The following TIMELESS variants were observed in gnomAD, a reference collection of about 807,000 sequenced individuals.
The protein encoded by TIMELESS is timeless circadian regulator.
In TIMELESS, 124 loss-of-function variants were observed where a neutral mutation model predicts 164.3. That is an observed-to-expected ratio of 0.75 (90% confidence interval 0.65 to 0.88). The LOEUF (loss-of-function observed/expected upper bound fraction) is 0.88, where lower values mean the gene tolerates loss of function less well. TIMELESS is among the 40% of genes least tolerant of loss of function. The probability of loss-of-function intolerance (pLI) is 0.00; values close to 1 mark genes in which losing one functional copy is unlikely to be tolerated. For synonymous variants in TIMELESS, 564 were observed against 563.4 expected, an observed-to-expected ratio of 1.00 and a Z score of -0.02; for missense variants, 1,422 against 1,491.4, an observed-to-expected ratio of 0.95 and a Z score of 0.77.
Position 56,421,811 on chromosome 12 carries a change from T to G in TIMELESS, c.2643-2A>C. Reference sequence around the variant, plus strand: ...CACAGTACAATATGGGTTCCTTTCCTGATTAGGAAGGTGTCAGTGGAAGAG... The same window carrying G: ...CACAGTACAATATGGGTTCCTTTCCGGATTAGGAAGGTGTCAGTGGAAGAG... On this transcript the variant is annotated splice_acceptor_variant, in intron 21 of 28. Coordinates refer to ENST00000553532, the MANE Select transcript of TIMELESS (RefSeq NM_003920.5). LOFTEE classifies it high-confidence loss of function. 1 of 1,614,144 alleles carries G rather than the reference T, an allele frequency of 6.2e-7. No homozygotes were observed. The highest frequency in any genetic ancestry group is 1.1e-5 in the South Asian group (1 of 91,084).
intron 1 of TIMELESS, among the ~76,000 whole-genome samples, chr12:56,449,061 C>A (rs1184159376): frequency 6.6e-6 from 1 of 152,256 alleles, no homozygotes; most frequent in East Asian, 1.9e-4. Flanking sequence ...ACAACCCCAT[C>A]CCGCGGGAGA....
At chr12:56,431,268 C>A (rs193205643) in intron 8 of TIMELESS, among the ~76,000 whole-genome samples, 1 of 150,926 alleles carries the variant, frequency 6.6e-6, no homozygotes, top group African/African-American at 2.4e-5. Context: ...GCAGGAGAAT[C>A]GCTTGAACCC....
At chr12:56,428,715 C>T in intron 11 of TIMELESS, 63 bp from the exon 12 acceptor site, 1 of 1,498,548 alleles carries the variant, frequency 6.7e-7, no homozygotes, top group Non-Finnish European at 9.2e-7. Context: ...ATGGAAACAG[C>T]AACTTCCCAC....
chr12:56,439,521 A>C (rs949420277), intron 1 of TIMELESS, among the ~76,000 whole-genome samples: 2 of 152,026 alleles, frequency 1.3e-5, no homozygotes, highest in Non-Finnish European at 2.9e-5. Context: ...CAGCCTCCCA[A>C]GCAGCTGGGA....
Position 56,429,633 on chromosome 12 carries a change from C to G in TIMELESS, c.1086+472G>C, listed in dbSNP as rs911455474. On this transcript the variant is annotated intron_variant, in intron 10 of 28. Transcript: ENST00000553532. ...TATCCTGCCTCAGGCTCCTGAGTAA[C>G]TGGGACTACAAATGCACACCACCAT... is the stretch of plus-strand genomic sequence containing the variant. 2.5e-4 allele frequency among the ~76,000 whole-genome samples: 37 copies of G among 149,300 alleles called. 1 individual carries two copies. Among genetic ancestry groups the G allele is most frequent in the African/African-American group, 8.9e-4 (36 of 40,486 alleles).
chr12:56,421,362 A>T lies in TIMELESS; in HGVS notation c.2857T>A (p.Ser953Thr). ...GGTCAGATTGTTACCAAGATGGAGG[A>T]TGCCAACTTTTTCTGCCGTTTCTTG... ...LYKKRQKKLASSILPNGAESL... is the reference protein window; with the variant it reads ...LYKKRQKKLATSILPNGAESL... Residue 953 changes from serine (S) to threonine (T), a missense_variant, in exon 23 of 29, where the codon TCC (serine) becomes ACC (threonine). Ser to Thr is a moderately conservative substitution (Grantham distance 58, BLOSUM62 1). Transcript: ENST00000553532. 6.2e-7 allele frequency: 1 copy of T among 1,613,806 alleles called. No individual in the cohort carries two copies. Among genetic ancestry groups the T allele is most frequent in the Non-Finnish European group, 8.5e-7 (1 of 1,179,866 alleles).
Position 56,421,391 on chromosome 12 carries a change from A to G in TIMELESS, c.2828T>C (p.Leu943Pro). 3.1e-6 allele frequency: 5 copies of G among 1,614,022 alleles called. No individual in the cohort carries two copies. Among genetic ancestry groups the G allele is most frequent in the Non-Finnish European group, 8.5e-7 (1 of 1,179,996 alleles). ...ALGLVAERRE[L>P]YKKRQKKLAS... ...CAACTTTTTCTGCCGTTTCTTGTAC[A>G]GCTCCCGCCGCTCAGCCACCAGCCC... Residue 943 changes from leucine to proline, a missense_variant, in exon 23 of 29, where the codon CTG becomes CCG. Leu to Pro is a moderately conservative substitution (Grantham distance 98, BLOSUM62 -3). Transcript: ENST00000553532.
At chr12:56,438,016 G>T (rs527619417) in intron 1 of TIMELESS, among the ~76,000 whole-genome samples, 8 of 152,134 alleles carry the variant, frequency 5.3e-5, no homozygotes, top group African/African-American at 1.9e-4. Flanking sequence ...CTCTCGCTCC[G>T]AGAGTGTTAA....
intron 26 of TIMELESS, among the ~76,000 whole-genome samples, chr12:56,420,048 A>ATGTGTGTGTGTG (rs1363649039): frequency 3.2e-4 from 28 of 87,320 alleles, no homozygotes; most frequent in African/African-American, 1.3e-3. Flanking sequence ...ATATATATAT[A>ATGTGTGTGTGTG]TGTGTGTGTG....
At chr12:56,428,729 G>C (rs1021682675) in intron 11 of TIMELESS, 77 bp from the exon 12 acceptor site, 2 of 1,162,228 alleles carry the variant, frequency 1.7e-6, no homozygotes, top group Non-Finnish European at 1.2e-6. Context: ...TTCCCACAGC[G>C]AAAAAAAAAA....
chr12:56,441,274 A>G (rs1220548181), intron 1 of TIMELESS, among the ~76,000 whole-genome samples: 2 of 152,204 alleles, frequency 1.3e-5, no homozygotes, highest in Non-Finnish European at 2.9e-5. Flanking sequence ...GTCCTTTACC[A>G]AGACAGTTTG....
At chr12:56,422,702 C>T in intron 19 of TIMELESS, 145 bp downstream of exon 19, 1 of 893,016 alleles carries the variant, frequency 1.1e-6, no homozygotes. Flanking sequence ...TAAAGCATTT[C>T]ACCTCCTGAG....
At chr12:56,438,206 C>T (rs1882133203) in intron 1 of TIMELESS, among the ~76,000 whole-genome samples, 1 of 152,120 alleles carries the variant, frequency 6.6e-6, no homozygotes, top group African/African-American at 2.4e-5. Context: ...CCACAACACC[C>T]AGCTAATTTT....
chr12:56,440,025 T>A (rs1868252580), intron 1 of TIMELESS, among the ~76,000 whole-genome samples: 1 of 152,030 alleles, frequency 6.6e-6, no homozygotes, highest in Non-Finnish European at 1.5e-5. Flanking sequence ...ATCAAGCAGT[T>A]CAGATGAAGC....
intron 6 of TIMELESS, among the ~76,000 whole-genome samples, chr12:56,432,811 T>C (rs567934215): frequency 8.3e-4 from 125 of 151,054 alleles, no homozygotes; most frequent in African/African-American, 2.9e-3. Flanking sequence ...TAGCCAGGCA[T>C]GGTGGCGGGC....
At chr12:56,445,422 CAAAAAAAAAAAAA>C (rs71081360) in intron 1 of TIMELESS, among the ~76,000 whole-genome samples, 3,180 of 18,758 alleles carry the variant, frequency 0.17, 256 homozygotes, top group African/African-American at 0.37. Context: ...AACTCCACGT[CAAAAAAAAAAAAA>C]AAAAAAAAAA....
intron 10 of TIMELESS, 22 bp downstream of exon 10, chr12:56,430,083 C>T: frequency 6.3e-7 from 1 of 1,593,664 alleles, no homozygotes; most frequent in Non-Finnish European, 8.5e-7. Context: ...TGATTATCTC[C>T]ATATCCTTCA....
intron 13 of TIMELESS, among the ~76,000 whole-genome samples, chr12:56,426,716 T>C (rs538138212): frequency 1.2e-4 from 18 of 152,086 alleles, no homozygotes; most frequent in African/African-American, 3.9e-4. Context: ...CGCATGACCA[T>C]GCCTGGCTAA....
At position 56,424,771 on chromosome 12, in the gene TIMELESS, C is replaced by T; in HGVS notation, c.1859G>A (p.Arg620Lys). The change falls in exon 15 of 29, where the codon AGG becomes AAG. Residue 620 changes from arginine to lysine, a missense_variant. Physicochemically the swap from Arg to Lys is conservative, Grantham distance 26. Transcript: ENST00000553532. The stretch of plus-strand genomic sequence containing the variant: ...CAGGCAGGGTTCTTACCGAGCAGAC[C>T]TCAGGAGAGTCAGGGCCTGTGGGGC... The part of the protein sequence containing the change: ...GQAPQALTLL[R>K]SAREVWPEGD... The T allele has an allele frequency of 5.6e-6, 9 of 1,614,052 alleles. No individual in the cohort carries two copies. The highest frequency in any genetic ancestry group is 7.6e-6 in the Non-Finnish European group (9 of 1,179,992).
Sources: allele counts gnomAD v4.1 joint callset (sites outside exome capture counted in the v4.1 genomes callset), GRCh38; gene constraint gnomAD v4.1.1; transcripts MANE v1.5; gene names NCBI Gene and HGNC (gene_info 2026-07-23, HGNC 2026-07-21).